RBFOX3: variants seen among roughly 807,000 people sequenced by gnomAD.
The protein encoded by RBFOX3 is RNA binding protein fox-1 homolog 3.
A neutral mutation model predicts 48.7 loss-of-function variants in RBFOX3; 17 were observed. That is an observed-to-expected ratio of 0.35 (90% CI 0.24 to 0.52). The LOEUF (loss-of-function observed/expected upper bound fraction) is 0.52. Ranked by LOEUF, RBFOX3 falls within the 20% of genes least tolerant of loss-of-function variation. RBFOX3 has a pLI of 0.94. For missense variants in RBFOX3, 382 were observed against 497.5 expected (o/e 0.77, Z 2.21); for synonymous variants, 212 against 209.5 (o/e 1.01, Z -0.10).
At chr17:79,589,040 A>G (rs2093341771) in intron 1 of RBFOX3, among the ~76,000 whole-genome samples, 2 of 151,880 alleles carry the variant, frequency 1.3e-5, no homozygotes, top group African/African-American at 4.8e-5. Context: ...CTGAGCTTGG[A>G]CCTGGGCCAT....
intron 3 of RBFOX3, among the ~76,000 whole-genome samples, chr17:79,240,864 C>A (rs144810829): frequency 0.017 from 2,623 of 152,260 alleles, 30 homozygotes; most frequent in Admixed American, 0.027. Flanking sequence ...TGGGGTTTCA[C>A]CATGTTAGCC....
At chr17:79,563,103 T>C (rs2092313226) in intron 1 of RBFOX3, among the ~76,000 whole-genome samples, 1 of 152,110 alleles carries the variant, frequency 6.6e-6, no homozygotes, top group Non-Finnish European at 1.5e-5. Flanking sequence ...TGAAGTTCCC[T>C]TTAGGAACAT....
intron 4 of RBFOX3, among the ~76,000 whole-genome samples, chr17:79,201,807 TC>T (rs1236857119): frequency 6.6e-6 from 1 of 152,140 alleles, no homozygotes; most frequent in African/African-American, 2.4e-5. Context: ...CCTCCACACT[TC>T]CCTGACTCCG....
At chr17:79,531,306 C>T (rs2087737199) in intron 1 of RBFOX3, among the ~76,000 whole-genome samples, 1 of 152,184 alleles carries the variant, frequency 6.6e-6, no homozygotes, top group Non-Finnish European at 1.5e-5. Flanking sequence ...CTATTGCCGC[C>T]CAGAGGCCCC....
At chr17:79,168,632 G>A (rs908248480) in intron 4 of RBFOX3, among the ~76,000 whole-genome samples, 10 of 152,308 alleles carry the variant, frequency 6.6e-5, no homozygotes, top group South Asian at 2.1e-4. Context: ...GGCCTGGCCC[G>A]CTTGTCCACA....
rs935424073 is a variant in RBFOX3, at chr17:79,421,309, G to A, written c.-175+61145C>T. 6.6e-6 allele frequency among the ~76,000 whole-genome samples: 1 copy of A among 152,148 alleles called. No individual in the cohort carries two copies. The highest frequency in any genetic ancestry group is 2.4e-5 in the African/African-American group (1 of 41,432). ...CTCCGAGGTCCTCTAGCAAACAACCGGGCCTGAGAGTGGTTCTGGAAGCCT... is the reference window on the plus strand; with the variant it reads ...CTCCGAGGTCCTCTAGCAAACAACCAGGCCTGAGAGTGGTTCTGGAAGCCT... On this transcript the variant is annotated intron_variant, in intron 2 of 14. Coordinates refer to ENST00000693108, the MANE Select transcript of RBFOX3 (RefSeq NM_001350451.2). The surrounding 1 kb of genome is among the most constrained non-coding windows in gnomAD (Gnocchi z 4.5).
At chr17:79,367,634 T>C (rs2057972293) in intron 2 of RBFOX3, among the ~76,000 whole-genome samples, 1 of 152,114 alleles carries the variant, frequency 6.6e-6, no homozygotes, top group Admixed American at 6.5e-5. Context: ...TTGAAAATAT[T>C]TCCCCAGCCA....
intron 2 of RBFOX3, among the ~76,000 whole-genome samples, chr17:79,359,395 AG>A (rs1327308388): frequency 6.6e-6 from 1 of 152,256 alleles, no homozygotes; most frequent in East Asian, 1.9e-4. Context: ...TCTGAAATTC[AG>A]ATTTAACTGA....
intron 2 of RBFOX3, among the ~76,000 whole-genome samples, chr17:79,320,674 C>T (rs2078385137): frequency 6.6e-6 from 1 of 152,132 alleles, no homozygotes; most frequent in South Asian, 2.1e-4. Flanking sequence ...TGGCTGCTCA[C>T]CACCCTCTGG....
intron 1 of RBFOX3, among the ~76,000 whole-genome samples, chr17:79,562,534 A>G (rs2092282970): frequency 6.6e-6 from 1 of 152,222 alleles, no homozygotes; most frequent in Non-Finnish European, 1.5e-5. Flanking sequence ...CCATTGCTAA[A>G]ACATTTCACT....
At chr17:79,158,360 C>T (rs881530) in intron 4 of RBFOX3, among the ~76,000 whole-genome samples, 3,040 of 152,344 alleles carry the variant, frequency 0.02, 77 homozygotes, top group African/African-American at 0.068. Flanking sequence ...GCCTCAGTTT[C>T]CTCTACTGTA....
At chr17:79,614,482 C>CA (rs1463438432), upstream of RBFOX3, among the ~76,000 whole-genome samples, 32 of 151,894 alleles carry the variant, frequency 2.1e-4, no homozygotes, top group Middle Eastern at 3.4e-3. Context: ...TTTGCAGCCC[C>CA]CCTAAGGTGA....
intron 5 of RBFOX3, among the ~76,000 whole-genome samples, chr17:79,108,660 G>A (rs902571173): frequency 2.0e-5 from 3 of 152,230 alleles, no homozygotes; most frequent in Non-Finnish European, 4.4e-5. Flanking sequence ...CCCCCAGCAC[G>A]GCCACCCTGG....
chr17:79,306,603 G>A (rs1208864811), intron 3 of RBFOX3, among the ~76,000 whole-genome samples: 1 of 152,216 alleles, frequency 6.6e-6, no homozygotes, highest in Non-Finnish European at 1.5e-5. Flanking sequence ...CCATCCCGAG[G>A]CCACTTCCTC....
In RBFOX3 at chr17:79,610,980, G is replaced by A. The variant is rs1262145513; in HGVS notation, c.-474C>T. 1.3e-5 allele frequency among the ~76,000 whole-genome samples: 2 copies of A among 151,158 alleles called. No homozygotes were observed. The highest frequency in any genetic ancestry group is 2.4e-5 in the African/African-American group (1 of 41,288). Reference sequence around the variant, plus strand: ...GAGGCCGGGCTCGGGCGGCAGCTGTGGCAGCTGCTTCTCCTCCGACCACGC... The same window carrying A: ...GAGGCCGGGCTCGGGCGGCAGCTGTAGCAGCTGCTTCTCCTCCGACCACGC... On this transcript the variant is annotated 5_prime_UTR_variant, in exon 1 of 15. Coordinates refer to ENST00000693108, the MANE Select transcript of RBFOX3 (RefSeq NM_001350451.2).
At chr17:79,335,613 A>C (rs4643360) in intron 2 of RBFOX3, among the ~76,000 whole-genome samples, 126,799 of 152,176 alleles carry the variant, frequency 0.83, 53,194 homozygotes, top group Non-Finnish European at 0.89. Context: ...CTTGGCGCAG[A>C]ACCCCCAGCC....
Position 79,479,827 on chromosome 17 carries a change from A to G in RBFOX3, c.-175+2627T>C, listed in dbSNP as rs1252789943. On this transcript the variant is annotated intron_variant, in intron 2 of 14. Coordinates refer to ENST00000693108, the MANE Select transcript of RBFOX3 (RefSeq NM_001350451.2). The surrounding 1 kb of genome is among the most constrained non-coding windows in gnomAD (Gnocchi z 5.1). ...TCAGAGGAGCATGGGAGATGGTGCT[A>G]CCGTCACGGCCTGCAGGATGTCTGT... Among the ~76,000 whole-genome samples the G allele has an allele frequency of 6.6e-6, 1 of 152,168 alleles. No homozygotes were observed. The highest frequency in any genetic ancestry group is 1.5e-5 in the Non-Finnish European group (1 of 68,022).
At chr17:79,446,883 C>T (rs1473821508) in intron 2 of RBFOX3, among the ~76,000 whole-genome samples, 1 of 152,214 alleles carries the variant, frequency 6.6e-6, no homozygotes, top group Non-Finnish European at 1.5e-5. Context: ...TTCAATAAAG[C>T]TGTTTTCTCC....
chr17:79,165,157 T>G (rs1053984736), intron 4 of RBFOX3, among the ~76,000 whole-genome samples: 5 of 152,054 alleles, frequency 3.3e-5, no homozygotes, highest in Non-Finnish European at 4.4e-5. Context: ...TCCTCTGCCC[T>G]CCAGCATCTT....
Sources: gnomAD v4.1 joint callset for allele counts (sites outside exome capture counted in the v4.1 genomes callset) on GRCh38, gnomAD v4.1.1 for gene constraint, Gnocchi (gnomAD v3.1) non-coding constraint, MANE v1.5 for transcripts, NCBI Gene and HGNC (gene_info 2026-07-23, HGNC 2026-07-21) for gene names.